Variants in MAP2K4 observed in about 807,000 individuals in gnomAD.
The protein encoded by MAP2K4 is dual specificity mitogen-activated protein kinase kinase 4.
Under a neutral mutation model 48.5 loss-of-function variants are expected in MAP2K4, and 4 were observed. The ratio of observed to expected loss-of-function variants is 0.08; its 90% CI spans 0.04 to 0.19. MAP2K4 has a LOEUF of 0.19. Among genes scored for constraint, MAP2K4 ranks in the 10% least tolerant of loss-of-function variants. MAP2K4 has a pLI of 1.00. For missense variants in MAP2K4, 258 were observed against 493.3 expected, an observed-to-expected ratio of 0.52 and a Z score of 4.52; for synonymous variants, 166 against 173.1, an observed-to-expected ratio of 0.96 and a Z score of 0.32.
chr17:12,117,607 G>GT (rs901405788), intron 7 of MAP2K4, among the ~76,000 whole-genome samples: 21 of 148,386 alleles, frequency 1.4e-4, no homozygotes, highest in South Asian at 2.2e-4. Flanking sequence ...ATTTTTTTTT[G>GT]TTTTTTTTGC....
chr17:12,093,920 A>G (rs1971645379), intron 3 of MAP2K4, among the ~76,000 whole-genome samples: 1 of 152,242 alleles, frequency 6.6e-6, no homozygotes, highest in South Asian at 2.1e-4. Flanking sequence ...TACAAAAATT[A>G]TTACATCATG....
chr17:12,089,765 G>A (rs1348770439), intron 3 of MAP2K4, among the ~76,000 whole-genome samples: 3 of 152,238 alleles, frequency 2.0e-5, no homozygotes, highest in African/African-American at 7.2e-5. Flanking sequence ...TGCCAGGACT[G>A]ATGGTCATGT....
intron 4 of MAP2K4, among the ~76,000 whole-genome samples, chr17:12,100,522 AG>A (rs1971904913): frequency 6.6e-6 from 1 of 152,108 alleles, no homozygotes; most frequent in Non-Finnish European, 1.5e-5. Flanking sequence ...AGTTGCTTTG[AG>A]CATTTATGTA....
chr17:12,142,119 A>G lies in MAP2K4; in HGVS notation c.*859A>G, dbSNP rs1973393988. 1 of 233,448 alleles carries G rather than the reference A, an allele frequency of 4.3e-6. No homozygotes were observed. Among genetic ancestry groups the G allele is most frequent in the Non-Finnish European group, 8.5e-6 (1 of 117,946 alleles). 14.5% of individuals were successfully genotyped at this position (233,448 alleles called of 1,614,324 possible). On this transcript the variant is annotated 3_prime_UTR_variant, in exon 11 of 11. Coordinates refer to ENST00000353533, the MANE Select transcript of MAP2K4 (RefSeq NM_003010.4). ...ACCAGGACTGAAAGAAGAAAACAGT[A>G]CAGAAGGCAAAGTTTACAGATGTTT...
At chr17:12,121,417 A>G (rs1287291075) in intron 7 of MAP2K4, among the ~76,000 whole-genome samples, 3 of 152,076 alleles carry the variant, frequency 2.0e-5, no homozygotes, top group Non-Finnish European at 2.9e-5. Flanking sequence ...CAAAAAAACT[A>G]TCTTTTAGCT....
At chr17:12,057,408 G>A (rs1970313237) in intron 2 of MAP2K4, among the ~76,000 whole-genome samples, 2 of 151,924 alleles carry the variant, frequency 1.3e-5, no homozygotes, top group Admixed American at 1.3e-4. Flanking sequence ...CTGTTTAATT[G>A]TAGCAGGGAT....
At chr17:12,040,142 T>TC (rs1462202546) in intron 1 of MAP2K4, among the ~76,000 whole-genome samples, 7 of 152,168 alleles carry the variant, frequency 4.6e-5, no homozygotes, top group Admixed American at 6.5e-5. Flanking sequence ...TGTAAAGTTC[T>TC]CCGTCAGCCT....
At chr17:12,139,038 C>G (rs186869638) in intron 9 of MAP2K4, among the ~76,000 whole-genome samples, 8 of 152,236 alleles carry the variant, frequency 5.3e-5, no homozygotes, top group Admixed American at 5.2e-4. Flanking sequence ...CTACATAGCA[C>G]ATTGCAGTAT....
At chr17:12,056,892 T>C (rs957519265) in intron 2 of MAP2K4, among the ~76,000 whole-genome samples, 1 of 152,146 alleles carries the variant, frequency 6.6e-6, no homozygotes, top group African/African-American at 2.4e-5. Flanking sequence ...AAATAAGATA[T>C]CTCTTAACAT....
intron 2 of MAP2K4, among the ~76,000 whole-genome samples, chr17:12,070,249 A>G (rs932831428): frequency 6.6e-6 from 1 of 151,654 alleles, no homozygotes; most frequent in Non-Finnish European, 1.5e-5. Flanking sequence ...GTCAAGTTTG[A>G]GAAATCAAGT....
intron 2 of MAP2K4, among the ~76,000 whole-genome samples, chr17:12,074,667 G>C (rs28922870): frequency 0.014 from 2,080 of 152,196 alleles, 17 homozygotes; most frequent in East Asian, 0.047. Context: ...CATATCGGTG[G>C]GGTTCTCTTT....
At chr17:12,072,676 T>C (rs1180023771) in intron 2 of MAP2K4, among the ~76,000 whole-genome samples, 1 of 152,180 alleles carries the variant, frequency 6.6e-6, no homozygotes, top group Non-Finnish European at 1.5e-5. Context: ...ATAGTTCACA[T>C]GTACAGGCTA....
intron 7 of MAP2K4, among the ~76,000 whole-genome samples, chr17:12,116,301 C>G (rs943637238): frequency 2.0e-5 from 3 of 152,090 alleles, no homozygotes; most frequent in African/African-American, 7.2e-5. Context: ...ATGAATGGAG[C>G]TTACAGGACT....
At chr17:12,023,624 G>A (rs998998237) in intron 1 of MAP2K4, among the ~76,000 whole-genome samples, 1 of 152,208 alleles carries the variant, frequency 6.6e-6, no homozygotes. Flanking sequence ...TATGTGGTAA[G>A]CACTGTGGTG....
chr17:12,108,253 C>A (rs546062728), intron 5 of MAP2K4, among the ~76,000 whole-genome samples: 1 of 152,200 alleles, frequency 6.6e-6, no homozygotes, highest in Admixed American at 6.5e-5. Flanking sequence ...TAATCAGAAT[C>A]ACAGCAGTCT....
At chr17:12,106,373 AT>A (rs1972111762) in intron 4 of MAP2K4, among the ~76,000 whole-genome samples, 1 of 152,254 alleles carries the variant, frequency 6.6e-6, no homozygotes, top group East Asian at 1.9e-4. Flanking sequence ...AATAAGTAAA[AT>A]TTACTACGTC....
At chr17:12,033,292 A>G (rs1243370902) in intron 1 of MAP2K4, among the ~76,000 whole-genome samples, 1 of 152,206 alleles carries the variant, frequency 6.6e-6, no homozygotes, top group Admixed American at 6.5e-5. Context: ...CTGGAGAAGA[A>G]TGATGCTTTG....
chr17:12,039,955 A>G (rs1257668350), intron 1 of MAP2K4, among the ~76,000 whole-genome samples: 1 of 152,162 alleles, frequency 6.6e-6, no homozygotes, highest in Non-Finnish European at 1.5e-5. Flanking sequence ...TTTAACTGGT[A>G]GTTACAGAAA....
chr17:12,117,238 A>G (rs529262654), intron 7 of MAP2K4, among the ~76,000 whole-genome samples: 40 of 152,280 alleles, frequency 2.6e-4, no homozygotes, highest in Non-Finnish European at 4.7e-4. Context: ...AACAAACAAG[A>G]ATGTCATCTT....
Sources: allele counts gnomAD v4.1 joint callset (sites outside exome capture counted in the v4.1 genomes callset), GRCh38; gene constraint gnomAD v4.1.1; transcripts MANE v1.5; gene names NCBI Gene and HGNC (gene_info 2026-07-23, HGNC 2026-07-21).